AFG1L: variants seen among roughly 807,000 people sequenced by gnomAD.
AFG1L encodes the protein AFG1-like ATPase.
AFG1L carries 53 observed loss-of-function variants against 62.2 expected under a neutral mutation model. The observed-to-expected ratio is 0.85, with a 90% CI of 0.68 to 1.07. The LOEUF is 1.07. Among genes scored for constraint, AFG1L ranks in the 50% least tolerant of loss-of-function variants. The pLI is 0.00. For synonymous variants in AFG1L, 228 were observed against 210.3 expected, an observed-to-expected ratio of 1.08 and a Z score of -0.73; for missense variants, 555 against 590.5, an observed-to-expected ratio of 0.94 and a Z score of 0.62.
chr6:108,310,650 C>T (rs1486935218), intron 1 of AFG1L, among the ~76,000 whole-genome samples: 1 of 150,462 alleles, frequency 6.6e-6, no homozygotes, highest in African/African-American at 2.5e-5. Flanking sequence ...TCTCAGCTCA[C>T]TGCAACCTCC....
intron 8 of AFG1L, among the ~76,000 whole-genome samples, chr6:108,470,367 G>A (rs530686236): frequency 4.3e-4 from 65 of 152,264 alleles, no homozygotes; most frequent in African/African-American, 1.5e-3. Flanking sequence ...GTGTTGTGGG[G>A]TATAACAGGA....
chr6:108,510,057 C>T (rs1052004188), intron 10 of AFG1L, among the ~76,000 whole-genome samples, 155 bp from the exon 11 acceptor site: 5 of 152,100 alleles, frequency 3.3e-5, no homozygotes, highest in Non-Finnish European at 5.9e-5. Flanking sequence ...ACTGAAGTGC[C>T]TAGGGCAACT....
At chr6:108,311,120 A>G (rs1437892616) in intron 1 of AFG1L, among the ~76,000 whole-genome samples, 1 of 152,162 alleles carries the variant, frequency 6.6e-6, no homozygotes, top group Non-Finnish European at 1.5e-5. Context: ...TATCATTGCA[A>G]TGCTCTGCCT....
At chr6:108,427,615 G>A (rs963756092) in intron 7 of AFG1L, among the ~76,000 whole-genome samples, 3 of 148,780 alleles carry the variant, frequency 2.0e-5, no homozygotes, top group Non-Finnish European at 4.4e-5. Context: ...TCTGCCTCCC[G>A]GACTCAAGCA....
chr6:108,420,770 A>C (rs1770551601), intron 7 of AFG1L, among the ~76,000 whole-genome samples: 1 of 152,104 alleles, frequency 6.6e-6, no homozygotes, highest in Non-Finnish European at 1.5e-5. Flanking sequence ...ATTTGTAGTT[A>C]TCTGGAAAAA....
intron 8 of AFG1L, among the ~76,000 whole-genome samples, chr6:108,460,533 T>C (rs1303734883): frequency 6.6e-6 from 1 of 152,226 alleles, no homozygotes; most frequent in East Asian, 1.9e-4. Context: ...TTGTTTTCTT[T>C]ATGTTTCTTG....
At chr6:108,464,505 TCA>T in intron 8 of AFG1L, among the ~76,000 whole-genome samples, 1 of 152,308 alleles carries the variant, frequency 6.6e-6, no homozygotes, top group South Asian at 2.1e-4. Context: ...GGTACTGTAC[TCA>T]CAGGATTCCT....
At chr6:108,430,590 C>T (rs532583897) in intron 7 of AFG1L, among the ~76,000 whole-genome samples, 7 of 152,212 alleles carry the variant, frequency 4.6e-5, no homozygotes, top group African/African-American at 1.7e-4. Flanking sequence ...ATACTTGATC[C>T]TTTTGAACAT....
rs778417857 is a variant in AFG1L, at chr6:108,366,330, A to C, written c.746A>C (p.Glu249Ala). The C allele has an allele frequency of 1.2e-6, 2 of 1,606,904 alleles. No homozygotes were observed. Among genetic ancestry groups the C allele is most frequent in the African/African-American group, 2.7e-5 (2 of 74,924 alleles). ...VVVATSNRPP[E>A]DLYKNGLQRA... The stretch of plus-strand genomic sequence containing the variant: ...GTGGCAACATCCAACAGGCCACCGG[A>C]AGGTAAAAACAAACATTGTGCTAGT... Residue 249 changes from glutamate (E) to alanine (A), a missense_variant and splice_region_variant, in exon 6 of 13, where the codon GAA becomes GCA. Transcript: ENST00000368977.
At chr6:108,302,417 A>G (rs565970466) in intron 1 of AFG1L, among the ~76,000 whole-genome samples, 2 of 152,210 alleles carry the variant, frequency 1.3e-5, no homozygotes, top group South Asian at 2.1e-4. Flanking sequence ...GGCTTTTAAA[A>G]TTGACTTTGA....
chr6:108,465,584 T>C (rs1396391663), intron 8 of AFG1L, among the ~76,000 whole-genome samples: 1 of 152,140 alleles, frequency 6.6e-6, no homozygotes, highest in Admixed American at 6.5e-5. Flanking sequence ...ATTTTTAGTG[T>C]AAGGCAATGT....
intron 7 of AFG1L, among the ~76,000 whole-genome samples, chr6:108,444,623 G>A (rs9486882): frequency 0.013 from 2,015 of 152,250 alleles, 46 homozygotes; most frequent in African/African-American, 0.047. Flanking sequence ...TTATCTCCTT[G>A]TGCACTTCCA....
At chr6:108,360,101 A>G (rs1779463998) in intron 5 of AFG1L, among the ~76,000 whole-genome samples, 1 of 152,184 alleles carries the variant, frequency 6.6e-6, no homozygotes, top group African/African-American at 2.4e-5. Flanking sequence ...GGTATCTGCT[A>G]GGAATGCTTT....
chr6:108,365,712 A>G (rs779648836), intron 5 of AFG1L, among the ~76,000 whole-genome samples: 3 of 151,982 alleles, frequency 2.0e-5, no homozygotes, highest in Non-Finnish European at 2.9e-5. Context: ...TCTATTTTCA[A>G]CAGCAGCTGA....
chr6:108,383,118 A>G (rs1485979050), intron 6 of AFG1L, among the ~76,000 whole-genome samples: 1 of 152,162 alleles, frequency 6.6e-6, no homozygotes, highest in Non-Finnish European at 1.5e-5. Flanking sequence ...CTGTAATTCT[A>G]GCTACTCAGG....
At chr6:108,464,788 C>CAA (rs71015548) in intron 8 of AFG1L, among the ~76,000 whole-genome samples, 32 of 151,422 alleles carry the variant, frequency 2.1e-4, no homozygotes, top group Admixed American at 5.3e-4. Flanking sequence ...AAAAAACAAA[C>CAA]AAAAAAAACA....
chr6:108,467,547 C>T (rs1052574237), intron 8 of AFG1L, among the ~76,000 whole-genome samples: 1 of 152,164 alleles, frequency 6.6e-6, no homozygotes, highest in Non-Finnish European at 1.5e-5. Flanking sequence ...TGGGTACTTA[C>T]ATTTTAAAGT....
chr6:108,360,200 G>C (rs1011281963), intron 5 of AFG1L, among the ~76,000 whole-genome samples: 15 of 152,162 alleles, frequency 9.9e-5, no homozygotes, highest in Non-Finnish European at 1.8e-4. Flanking sequence ...CATTTTCCTT[G>C]CTCAAACCCT....
intron 6 of AFG1L, among the ~76,000 whole-genome samples, chr6:108,396,500 G>GT (rs1328723413): frequency 5.9e-4 from 90 of 151,298 alleles, no homozygotes; most frequent in South Asian, 2.7e-3. Flanking sequence ...GTTTTGTTTT[G>GT]TTTTTTTTGA....
Sources: allele counts gnomAD v4.1 joint callset (sites outside exome capture counted in the v4.1 genomes callset), GRCh38; gene constraint gnomAD v4.1.1; transcripts MANE v1.5; gene names NCBI Gene and HGNC (gene_info 2026-07-23, HGNC 2026-07-21).